Variants in ASB5 observed in about 807,000 individuals in gnomAD.
ASB5 encodes ankyrin repeat and SOCS box containing 5, also known as ankyrin repeat and SOCS box protein 5.
Under a neutral mutation model 42.1 loss-of-function variants are expected in ASB5, and 45 were observed. The ratio of observed to expected loss-of-function variants is 1.07; its 90% CI spans 0.84 to 1.37. The LOEUF (loss-of-function observed/expected upper bound fraction) is 1.37. Among genes scored for constraint, ASB5 ranks in the 40% most tolerant of loss-of-function variants. ASB5 has a pLI of 0.00. For missense variants in ASB5, 402 were observed against 399.8 expected, an observed-to-expected ratio of 1.01 and a Z score of -0.05; for synonymous variants, 147 against 150.6, an observed-to-expected ratio of 0.98 and a Z score of 0.18.
intron 2 of ASB5, among the ~76,000 whole-genome samples, chr4:176,223,441 A>T (rs985634227): frequency 2.0e-5 from 3 of 152,160 alleles, no homozygotes; most frequent in Non-Finnish European, 2.9e-5. Context: ...TTCCAATCAA[A>T]CTCAAAATAT....
intron 5 of ASB5, 68 bp downstream of exon 5, chr4:176,221,087 C>A: frequency 7.0e-7 from 1 of 1,435,154 alleles, no homozygotes. Context: ...TTTAAAGATG[C>A]TCATTTAGAG....
chr4:176,228,245 G>A (rs1753432850), intron 1 of ASB5, among the ~76,000 whole-genome samples: 1 of 152,018 alleles, frequency 6.6e-6, no homozygotes, highest in Non-Finnish European at 1.5e-5. Flanking sequence ...TTAATATATA[G>A]TCTGTTTCAT....
At position 176,262,303 on chromosome 4, in the gene ASB5, G is replaced by A. The variant is rs563295006; in HGVS notation, c.196+6610C>T. On this transcript the variant is annotated intron_variant, in intron 1 of 6. Coordinates refer to ENST00000296525, the MANE Select transcript of ASB5 (RefSeq NM_080874.4). Reference sequence around the variant, plus strand: ...TCCATTTTTCACAAAGCATACTTGTGTCCTTCCTAAAAATAAATTCTTTTA... The same window carrying A: ...TCCATTTTTCACAAAGCATACTTGTATCCTTCCTAAAAATAAATTCTTTTA... 3.3e-5 allele frequency among the ~76,000 whole-genome samples: 5 copies of A among 152,192 alleles called. No homozygotes were observed. In the South Asian group the frequency reaches 1.0e-3, roughly 31 times the overall value.
intron 1 of ASB5, among the ~76,000 whole-genome samples, chr4:176,238,761 A>C (rs1753748529): frequency 6.6e-6 from 1 of 152,204 alleles, no homozygotes; most frequent in Non-Finnish European, 1.5e-5. Flanking sequence ...AGAGAAAAAA[A>C]AATTATGACT....
intron 5 of ASB5, among the ~76,000 whole-genome samples, chr4:176,220,597 G>T (rs1263984056): frequency 6.6e-6 from 1 of 152,132 alleles, no homozygotes; most frequent in South Asian, 2.1e-4. Context: ...TGTTTTTCAG[G>T]GGACTAAAGC....
rs1210133222 is a variant in ASB5 at position 176,256,102 on chromosome 4, C to T, written c.196+12811G>A. Among the ~76,000 whole-genome samples, 3 of 152,142 alleles carry T rather than the reference C, an allele frequency of 2.0e-5. No homozygotes were observed. The East Asian group carries it at 5.8e-4, about 29-fold the overall frequency. ...ACGTTACTCTCAAGTTTGCAGTTCA[C>T]CATAAGATATTCCATTTTGAGAGAG... is the stretch of plus-strand genomic sequence containing the variant. On this transcript the variant is annotated intron_variant, in intron 1 of 6. Coordinates refer to ENST00000296525, the MANE Select transcript of ASB5 (RefSeq NM_080874.4).
chr4:176,276,231 C>T (rs1240381937), intron 1 of ASB5, among the ~76,000 whole-genome samples: 1 of 152,154 alleles, frequency 6.6e-6, no homozygotes, highest in African/African-American at 2.4e-5. Flanking sequence ...AAGAGCTCAA[C>T]AAATATTAGC....
intron 2 of ASB5, among the ~76,000 whole-genome samples, chr4:176,274,766 C>A (rs965122509): frequency 1.3e-5 from 2 of 152,116 alleles, no homozygotes; most frequent in African/African-American, 4.8e-5. Context: ...TTGTTCTAAC[C>A]ATCTCATTTT....
chr4:176,221,693 A>C, intron 3 of ASB5, 93 bp from the exon 4 acceptor site: 1 of 1,181,684 alleles, frequency 8.5e-7, no homozygotes, highest in Non-Finnish European at 1.1e-6. Flanking sequence ...ATTTGCTAAC[A>C]GAAATACGTA....
At position 176,217,023 on chromosome 4, in the gene ASB5, G is replaced by A. The variant is rs117013381; in HGVS notation, c.671-14C>T. The stretch of plus-strand genomic sequence containing the variant: ...GTACGTCAGCACCTACATGTAATAC[G>A]GAGTGAAGATAAATATAAATAAAAG... On this transcript the variant is annotated splice_polypyrimidine_tract_variant and intron_variant, in intron 5 of 6. Coordinates refer to ENST00000296525, the MANE Select transcript of ASB5 (RefSeq NM_080874.4). 126 of 1,559,148 alleles carry A rather than the reference G, an allele frequency of 8.1e-5. No individual in the cohort carries two copies. The East Asian group carries it at 2.3e-3, about 29-fold the overall frequency.
At chr4:176,266,746 AT>A (rs1754364359) in intron 1 of ASB5, among the ~76,000 whole-genome samples, 1 of 152,176 alleles carries the variant, frequency 6.6e-6, no homozygotes, top group Non-Finnish European at 1.5e-5. Context: ...AACATTAAAA[AT>A]AACACAAAAC....
At chr4:176,235,875 A>T (rs1240156382) in intron 1 of ASB5, among the ~76,000 whole-genome samples, 1 of 151,550 alleles carries the variant, frequency 6.6e-6, no homozygotes, top group African/African-American at 2.4e-5. Flanking sequence ...CAGAGACAGA[A>T]TCTTGCTCTG....
chr4:176,261,091 T>A (rs1303970028), intron 1 of ASB5, among the ~76,000 whole-genome samples: 4 of 152,212 alleles, frequency 2.6e-5, no homozygotes, highest in Non-Finnish European at 5.9e-5. Flanking sequence ...CACCTGCTTT[T>A]AATGGCATGG....
intron 1 of ASB5, among the ~76,000 whole-genome samples, chr4:176,232,525 C>T (rs914207700): frequency 2.0e-5 from 3 of 152,080 alleles, no homozygotes; most frequent in African/African-American, 4.8e-5. Context: ...AGACTCTGTC[C>T]CTAATTTCAT....
At chr4:176,224,221 A>ATTTTTTTTTTTTTTTTTTTTTTTTTTTT (rs869080360) in intron 2 of ASB5, among the ~76,000 whole-genome samples, 1 of 87,218 alleles carries the variant, frequency 1.1e-5, no homozygotes, top group Non-Finnish European at 2.0e-5. Flanking sequence ...TGTGCATTTG[A>ATTTTTTTTTTTTTTTTTTTTTTTTTTTT]TTTTTTTTTT....
intron 1 of ASB5, among the ~76,000 whole-genome samples, chr4:176,244,913 T>C (rs1444913662): frequency 2.0e-5 from 3 of 152,040 alleles, no homozygotes; most frequent in Non-Finnish European, 4.4e-5. Context: ...CAGTGAGCTA[T>C]GATTGCACCA....
At chr4:176,259,329 T>C (rs1754214155) in intron 1 of ASB5, among the ~76,000 whole-genome samples, 1 of 152,200 alleles carries the variant, frequency 6.6e-6, no homozygotes, top group Non-Finnish European at 1.5e-5. Context: ...GGTGCATCAT[T>C]TCATTCTAAA....
At chr4:176,245,446 G>A (rs1753891896) in intron 1 of ASB5, among the ~76,000 whole-genome samples, 1 of 152,162 alleles carries the variant, frequency 6.6e-6, no homozygotes, top group Non-Finnish European at 1.5e-5. Context: ...TACACTGTTG[G>A]TGGGAGTATA....
chr4:176,233,712 T>G (rs904632164), intron 1 of ASB5, among the ~76,000 whole-genome samples: 1 of 152,190 alleles, frequency 6.6e-6, no homozygotes, highest in African/African-American at 2.4e-5. Flanking sequence ...GCTCAGTCTT[T>G]GCATCTATCT....
Sources: allele counts gnomAD v4.1 joint callset (sites outside exome capture counted in the v4.1 genomes callset), GRCh38; gene constraint gnomAD v4.1.1; transcripts MANE v1.5; gene names NCBI Gene and HGNC (gene_info 2026-07-23, HGNC 2026-07-21).